Variants in ZHX3 observed in about 807,000 individuals in gnomAD.
The protein encoded by ZHX3 is zinc fingers and homeoboxes protein 3.
A neutral mutation model predicts 64.5 loss-of-function variants in ZHX3; 20 were observed. The observed-to-expected ratio is 0.31, with a 90% confidence interval of 0.22 to 0.45. The LOEUF is 0.45. Among genes scored for constraint, ZHX3 ranks in the 20% least tolerant of loss-of-function variants. The probability of loss-of-function intolerance (pLI) is 1.00; values close to 1 mark genes in which losing one functional copy is unlikely to be tolerated. For missense variants in ZHX3, 1,041 were observed against 1,195.8 expected (o/e 0.87, Z 1.91); for synonymous variants, 423 against 461.6 (o/e 0.92, Z 1.07).
intron 1 of ZHX3, among the ~76,000 whole-genome samples, chr20:41,297,329 A>G (rs1330292880): frequency 6.6e-6 from 1 of 152,212 alleles, no homozygotes; most frequent in Non-Finnish European, 1.5e-5. Flanking sequence ...CCAGAGGAAT[A>G]ACATCAGCTT....
rs751378026 is a variant in ZHX3 at position 41,202,027 on chromosome 20, G to C, written c.2860+30C>G. ...AGTGCCTCCTCCCCTTACCCACACA[G>C]GATAGCCATGGCCCCTGTGGACTCC... On this transcript the variant is annotated intron_variant, in intron 3 of 3. Transcript: ENST00000683867. This position sits in a 1 kb window ranked among gnomAD's most constrained non-coding sequence, Gnocchi z 7.0. 1.2e-5 allele frequency: 18 copies of C among 1,549,470 alleles called. No homozygotes were observed. Among genetic ancestry groups the C allele is most frequent in the Admixed American group, 3.9e-5 (2 of 51,678 alleles).
chr20:41,289,231 G>A (rs1332726705), intron 1 of ZHX3, among the ~76,000 whole-genome samples: 1 of 151,956 alleles, frequency 6.6e-6, no homozygotes, highest in Non-Finnish European at 1.5e-5. Context: ...CAACTCCTGG[G>A]CTCAAGCAAT....
At chr20:41,307,181 T>C (rs2045005197) in intron 1 of ZHX3, among the ~76,000 whole-genome samples, 1 of 152,208 alleles carries the variant, frequency 6.6e-6, no homozygotes, top group Non-Finnish European at 1.5e-5. Context: ...TAAAACCATC[T>C]GTGCTTAGCC....
rs1188640069 is a variant in ZHX3 at position 41,184,591 on chromosome 20, G to A, written c.*600C>T. The A allele has an allele frequency of 4.2e-5, 13 of 308,280 alleles. No individual in the cohort carries two copies. The highest frequency in any genetic ancestry group is 8.7e-5 in the South Asian group (2 of 22,970). 19.1% of individuals were successfully genotyped at this position (308,280 alleles called of 1,614,324 possible). A position where few individuals can be genotyped will look rare whatever the true frequency, so the allele number is the denominator to read the frequency against. ...AGCAAGCCTGACATGAAACGTAGCCGGTCATCACTTAATGCAGCAGAGATC... is the reference window on the plus strand; with the variant it reads ...AGCAAGCCTGACATGAAACGTAGCCAGTCATCACTTAATGCAGCAGAGATC... On this transcript the variant is annotated 3_prime_UTR_variant, in exon 4 of 4. Transcript: ENST00000683867.
rs78752337 is a variant in ZHX3 at position 41,181,052 on chromosome 20, C to G, written c.*4139G>C. 3 of 152,230 alleles carry G rather than the reference C, an allele frequency of 2.0e-5. No homozygotes were observed. The highest frequency in any genetic ancestry group is 4.4e-5 in the Non-Finnish European group (3 of 68,104). 9.4% of individuals were successfully genotyped at this position (152,230 alleles called of 1,614,324 possible). The stretch of plus-strand genomic sequence containing the variant: ...TGCTCCCCAAACTACATGGGAGTAG[C>G]CCCCCGTGGTCTGGGCAGGCTGGCT... On this transcript the variant is annotated 3_prime_UTR_variant, in exon 4 of 4. Transcript: ENST00000683867.
intron 1 of ZHX3, among the ~76,000 whole-genome samples, chr20:41,292,607 T>C (rs576701990): frequency 6.6e-6 from 1 of 152,350 alleles, no homozygotes; most frequent in South Asian, 2.1e-4. Flanking sequence ...ATTCAAAAGC[T>C]GCCCTTTGCA....
At chr20:41,247,958 C>A (rs1243852433) in intron 2 of ZHX3, among the ~76,000 whole-genome samples, 2 of 152,336 alleles carry the variant, frequency 1.3e-5, no homozygotes, top group East Asian at 3.9e-4. Flanking sequence ...CAGAGCCTCC[C>A]ATGGCCTACA....
chr20:41,188,408 C>CCCTCT (rs2036714522), intron 3 of ZHX3: 3 of 102,592 alleles, frequency 2.9e-5, no homozygotes, highest in African/African-American at 3.6e-5. Flanking sequence ...CCACCCCCAC[C>CCCTCT]TTTTTTTTTT....
At chr20:41,279,137 G>A (rs2043540790) in intron 1 of ZHX3, among the ~76,000 whole-genome samples, 1 of 151,960 alleles carries the variant, frequency 6.6e-6, no homozygotes, top group East Asian at 1.9e-4. Context: ...TACTTCCTTG[G>A]GATGGACTGC....
chr20:41,249,695 C>A (rs534390356), intron 2 of ZHX3, among the ~76,000 whole-genome samples: 60 of 152,272 alleles, frequency 3.9e-4, no homozygotes, highest in African/African-American at 1.4e-3. Context: ...TAAATAGAAC[C>A]CTGTCACCGT....
intron 1 of ZHX3, among the ~76,000 whole-genome samples, chr20:41,293,749 A>T (rs2044366890): frequency 6.6e-6 from 1 of 152,198 alleles, no homozygotes; most frequent in South Asian, 2.1e-4. Context: ...CTTAAACCTG[A>T]AGAAGAGGTG....
chr20:41,285,538 A>G (rs2043895281), intron 1 of ZHX3, among the ~76,000 whole-genome samples: 1 of 152,238 alleles, frequency 6.6e-6, no homozygotes, highest in South Asian at 2.1e-4. Context: ...AAAATTCTGT[A>G]ATAGTAAATG....
intron 2 of ZHX3, among the ~76,000 whole-genome samples, chr20:41,256,462 G>A (rs535296596): frequency 6.6e-6 from 1 of 151,912 alleles, no homozygotes; most frequent in Non-Finnish European, 1.5e-5. Flanking sequence ...AGACAAATTA[G>A]ATTTTTTCCC....
intron 1 of ZHX3, among the ~76,000 whole-genome samples, chr20:41,295,789 T>G (rs560293856): frequency 6.6e-6 from 1 of 151,254 alleles, no homozygotes; most frequent in African/African-American, 2.4e-5. Flanking sequence ...AGGCGGAGCT[T>G]GCAGTGAGCC....
In ZHX3 at chr20:41,201,991, G is replaced by T; in HGVS notation, c.2860+66C>A. The T allele has an allele frequency of 6.7e-7, 1 of 1,492,084 alleles. No individual in the cohort carries two copies. 92.4% of individuals were successfully genotyped at this position (1,492,084 alleles called of 1,614,324 possible). A position where few individuals can be genotyped will look rare whatever the true frequency, so the allele number is the denominator to read the frequency against. ...GATGCCCCTGTGCAGTAAATTCAGT[G>T]CCCAACCATAAGTGCCTCCTCCCCT... On this transcript the variant is annotated intron_variant, in intron 3 of 3. Coordinates refer to ENST00000683867, the MANE Select transcript of ZHX3 (RefSeq NM_001384317.1). The surrounding 1 kb of genome is among the most constrained non-coding windows in gnomAD (Gnocchi z 5.0).
chr20:41,301,271 C>T (rs1190139784), intron 1 of ZHX3, among the ~76,000 whole-genome samples: 3 of 152,114 alleles, frequency 2.0e-5, no homozygotes, highest in Non-Finnish European at 4.4e-5. Context: ...TCTGGCCTCC[C>T]CACTACCCAT....
intron 3 of ZHX3, among the ~76,000 whole-genome samples, chr20:41,191,354 T>C (rs1348935238): frequency 2.0e-5 from 3 of 152,232 alleles, no homozygotes; most frequent in African/African-American, 7.2e-5. Flanking sequence ...TGAAGTCTTC[T>C]ATTCCAGCAT....
chr20:41,250,916 GCAGGCAGAT>G (rs1260363487), intron 2 of ZHX3, among the ~76,000 whole-genome samples: 2 of 152,170 alleles, frequency 1.3e-5, no homozygotes, highest in Non-Finnish European at 2.9e-5. Flanking sequence ...GGAGGCCAAG[GCAGGCAGAT>G]CATTTGAGGT....
chr20:41,198,204 G>T (rs139610642), intron 3 of ZHX3, among the ~76,000 whole-genome samples: 10,512 of 151,908 alleles, frequency 0.069, 400 homozygotes, highest in Middle Eastern at 0.17. Context: ...CACCATGTTG[G>T]CCAGGCTGGT....
Sources: allele counts gnomAD v4.1 joint callset (sites outside exome capture counted in the v4.1 genomes callset), GRCh38; gene constraint gnomAD v4.1.1; non-coding constraint Gnocchi (gnomAD v3.1); transcripts MANE v1.5; gene names NCBI Gene and HGNC (gene_info 2026-07-23, HGNC 2026-07-21).